DNAH8: variants seen among roughly 807,000 people sequenced by gnomAD.
DNAH8 encodes the protein axonemal beta dynein heavy chain 8.
Under a neutral mutation model 562.1 loss-of-function variants are expected in DNAH8, and 382 were observed. That is an observed-to-expected ratio of 0.68 (90% CI 0.63 to 0.74). The LOEUF (loss-of-function observed/expected upper bound fraction) is 0.74, where lower values mean the gene tolerates loss of function less well. Ranked by LOEUF, DNAH8 falls within the 30% of genes least tolerant of loss-of-function variation. The pLI, the probability that DNAH8 is intolerant of heterozygous loss-of-function variation, is 0.00. For synonymous variants in DNAH8, 1,881 were observed against 1,919.4 expected (o/e 0.98, Z 0.52); for missense variants, 5,203 against 5,620.4 (o/e 0.93, Z 2.37).
At chr6:38,734,375 A>G in intron 4 of DNAH8, 99 bp from the exon 5 acceptor site, 6 of 1,365,668 alleles carry the variant, frequency 4.4e-6, no homozygotes, top group Non-Finnish European at 5.7e-6. Flanking sequence ...ACTTCTTACA[A>G]TAAAGTAAAA....
chr6:38,847,166 G>A (rs1775366382), intron 36 of DNAH8, among the ~76,000 whole-genome samples: 1 of 152,108 alleles, frequency 6.6e-6, no homozygotes, highest in Admixed American at 6.6e-5. Context: ...GTGGATCCCT[G>A]ATTCCATGGG....
chr6:38,715,921 AATAAATATAT>A (rs1226086709), intron 1 of DNAH8, among the ~76,000 whole-genome samples: 8 of 43,418 alleles, frequency 1.8e-4, no homozygotes, highest in African/African-American at 9.6e-4. Context: ...TAAATAAATA[AATAAATATAT>A]ATATATATAT....
intron 48 of DNAH8, among the ~76,000 whole-genome samples, chr6:38,869,789 T>A (rs983034516): frequency 6.6e-6 from 1 of 152,204 alleles, no homozygotes; most frequent in African/African-American, 2.4e-5. Flanking sequence ...CAAAGATTCA[T>A]GTGATAAAGT....
chr6:38,944,905 C>G (rs562956748), intron 79 of DNAH8, among the ~76,000 whole-genome samples: 3 of 151,846 alleles, frequency 2.0e-5, no homozygotes, highest in African/African-American at 7.2e-5. Flanking sequence ...TCTTTATTCC[C>G]CCCCTCTTTT....
chr6:38,976,306 AT>A (rs1168256958), intron 85 of DNAH8, among the ~76,000 whole-genome samples: 1 of 152,136 alleles, frequency 6.6e-6, no homozygotes, highest in African/African-American at 2.4e-5. Context: ...GTTTTTTTCA[AT>A]TTCTAAAATT....
rs898663232 is a variant in DNAH8 at position 38,823,989 on chromosome 6, C to T, written c.3847+301C>T. Among the ~76,000 whole-genome samples the T allele has an allele frequency of 2.0e-5, 3 of 152,234 alleles. No homozygotes were observed. In the South Asian group the frequency reaches 6.2e-4, roughly 32 times the overall value. ...CGTAGACACACTACACAGGACGATT[C>T]CTCCACTGGCAGTCAAACAGCTAAA... is the stretch of plus-strand genomic sequence containing the variant. On this transcript the variant is annotated intron_variant, in intron 28 of 92. Coordinates refer to ENST00000327475, the MANE Select transcript of DNAH8 (RefSeq NM_001206927.2).
intron 4 of DNAH8, among the ~76,000 whole-genome samples, chr6:38,733,278 ACTAT>A (rs1763803241): frequency 6.7e-6 from 1 of 150,142 alleles, no homozygotes; most frequent in Admixed American, 6.6e-5. Context: ...ATTGTGACCA[ACTAT>A]CTAACATAAT....
At chr6:38,759,800 AT>A (rs1324217335) in intron 10 of DNAH8, among the ~76,000 whole-genome samples, 1 of 151,984 alleles carries the variant, frequency 6.6e-6, no homozygotes, top group Non-Finnish European at 1.5e-5. Context: ...TTTAACCAAA[AT>A]CCCCCTTACC....
At chr6:38,809,033 T>C (rs1454573692) in intron 24 of DNAH8, among the ~76,000 whole-genome samples, 2 of 151,844 alleles carry the variant, frequency 1.3e-5, no homozygotes, top group Admixed American at 1.3e-4. Flanking sequence ...AGCATGTGTA[T>C]ACCTATGTAA....
At chr6:38,783,256 A>C in intron 17 of DNAH8, 117 bp downstream of exon 17, 5 of 804,202 alleles carry the variant, frequency 6.2e-6, no homozygotes, top group Non-Finnish European at 9.6e-6. Flanking sequence ...GTTACAATTT[A>C]GATTTAGGGA....
chr6:38,959,483 T>G (rs911677911), intron 82 of DNAH8, among the ~76,000 whole-genome samples: 2 of 151,956 alleles, frequency 1.3e-5, no homozygotes, highest in Non-Finnish European at 2.9e-5. Flanking sequence ...CATTGAACTA[T>G]CTGAAAAAGA....
At chr6:38,747,490 A>C (rs1344092982) in intron 8 of DNAH8, among the ~76,000 whole-genome samples, 1 of 150,202 alleles carries the variant, frequency 6.7e-6, no homozygotes, top group Non-Finnish European at 1.5e-5. Flanking sequence ...AGGTTCAAGC[A>C]ATTCTCCTGC....
chr6:39,010,181 A>T (rs1235380652), intron 89 of DNAH8, among the ~76,000 whole-genome samples: 1 of 152,188 alleles, frequency 6.6e-6, no homozygotes, highest in Non-Finnish European at 1.5e-5. Context: ...ATGGATTCCT[A>T]TATGGGAAAG....
At chr6:38,843,336 TG>T (rs927120372) in intron 35 of DNAH8, among the ~76,000 whole-genome samples, 46 of 151,738 alleles carry the variant, frequency 3.0e-4, no homozygotes, top group African/African-American at 1.0e-3. Context: ...CATTCTTTTT[TG>T]TGGCCAATCT....
intron 82 of DNAH8, among the ~76,000 whole-genome samples, chr6:38,957,263 C>T (rs1202601023): frequency 6.7e-6 from 1 of 149,718 alleles, no homozygotes; most frequent in East Asian, 1.9e-4. Context: ...CATCAGAGCA[C>T]CTAAGTGTAT....
At chr6:38,737,993 G>T (rs1337504931) in intron 7 of DNAH8, 21 bp downstream of exon 7, 1 of 1,604,922 alleles carries the variant, frequency 6.2e-7, no homozygotes, top group Non-Finnish European at 8.5e-7. Context: ...TCAAACAATT[G>T]CATCTGGACT....
rs759612322 is a variant in DNAH8 at position 38,853,321 on chromosome 6, C to G, written c.5707C>G (p.Pro1903Ala). 6.2e-6 allele frequency: 10 copies of G among 1,613,378 alleles called. No individual in the cohort carries two copies. The highest frequency in any genetic ancestry group is 8.5e-6 in the Non-Finnish European group (10 of 1,179,738). Residue 1903 changes from proline (P) to alanine (A), a missense_variant, in exon 41 of 93, where the codon CCA (proline) becomes GCA (alanine). By Grantham distance (27) the Pro-to-Ala change is conservative. Around this residue, in one of 6 missense-constraint regions of DNAH8, gnomAD observed 2,176 missense variants for 2,365.1 expected, o/e 0.92. Coordinates refer to ENST00000327475, the MANE Select transcript of DNAH8 (RefSeq NM_001206927.2). Reference sequence around the variant, plus strand: ...CAGTGATTCAGGATTTCAACTCTTACCATTCCTCAGCCACTTTCCAGCACA... The same window carrying G: ...CAGTGATTCAGGATTTCAACTCTTAGCATTCCTCAGCCACTTTCCAGCACA... ...QISDSGFQLL[P>A]FLSHFPAQVG...
At chr6:38,740,271 A>C (rs1020391158) in intron 7 of DNAH8, among the ~76,000 whole-genome samples, 3 of 152,198 alleles carry the variant, frequency 2.0e-5, no homozygotes, top group African/African-American at 7.2e-5. Context: ...AATTTCATTG[A>C]ATGTGTACAT....
At chr6:38,750,658 A>G (rs1765361793) in intron 9 of DNAH8, 69 bp downstream of exon 9, 1 of 973,000 alleles carries the variant, frequency 1.0e-6, no homozygotes, top group African/African-American at 1.6e-5. Flanking sequence ...CTAGCTACTC[A>G]GAAGGCTGAG....
Sources: gnomAD v4.1 joint callset for allele counts (sites outside exome capture counted in the v4.1 genomes callset) on GRCh38, gnomAD v4.1.1 for gene constraint, gnomAD v4.1.1 regional missense constraint, MANE v1.5 for transcripts, NCBI Gene and HGNC (gene_info 2026-07-23, HGNC 2026-07-21) for gene names.